Variants in PPP1R2 observed in about 807,000 individuals in gnomAD.
The protein encoded by PPP1R2 is protein phosphatase inhibitor 2.
In PPP1R2, 16 loss-of-function variants were observed where a neutral mutation model predicts 29.9. The ratio of observed to expected loss-of-function variants is 0.53; its 90% confidence interval spans 0.36 to 0.81. PPP1R2 has a LOEUF of 0.81. Among genes scored for constraint, PPP1R2 ranks in the 30% least tolerant of loss-of-function variants. The pLI is 0.00. For synonymous variants in PPP1R2, 76 were observed against 91.5 expected, an observed-to-expected ratio of 0.83 and a Z score of 0.96; for missense variants, 197 against 252.7, an observed-to-expected ratio of 0.78 and a Z score of 1.49.
chr3:195,543,314 C>A lies in PPP1R2; in HGVS notation c.-289G>T, dbSNP rs142926502. The A allele has an allele frequency of 5.4e-4, 139 of 255,602 alleles. No homozygotes were observed. In the East Asian group the frequency reaches 8.2e-3, roughly 15 times the overall value. The allele number at this position is 255,602 out of a possible 1,614,324, so 15.8% of individuals were successfully genotyped here. ...CTAGAGCTCCAGCGCAGGAGCGACG[C>A]GACGCCGAAGCCAAGCGGACCCGCC... is the stretch of plus-strand genomic sequence containing the variant. On this transcript the variant is annotated 5_prime_UTR_variant, in exon 1 of 6. Transcript: ENST00000618156.
intron 1 of PPP1R2, among the ~76,000 whole-genome samples, chr3:195,532,953 A>G (rs2108949968): frequency 2.0e-5 from 3 of 152,362 alleles, no homozygotes; most frequent in Admixed American, 2.0e-4. Flanking sequence ...CTGCAGTTGG[A>G]TCATAACTGC....
intron 2 of PPP1R2, chr3:195,528,717 T>TTC (rs1432800108): frequency 7.0e-6 from 1 of 142,144 alleles, no homozygotes; most frequent in Non-Finnish European, 1.5e-5. Flanking sequence ...TTTTTTTTTT[T>TTC]TTTTTTTTTT....
chr3:195,537,341 T>C (rs761181001), intron 1 of PPP1R2, among the ~76,000 whole-genome samples: 8 of 152,144 alleles, frequency 5.3e-5, no homozygotes, highest in East Asian at 3.8e-4. Context: ...TAAAGAAAAT[T>C]TGCTAGTGTA....
chr3:195,523,640 C>G, intron 4 of PPP1R2, 52 bp downstream of exon 4: 1 of 1,454,288 alleles, frequency 6.9e-7, no homozygotes, highest in Non-Finnish European at 9.6e-7. Context: ...ATGGATTTAT[C>G]TTAGCAAAAA....
chr3:195,522,159 T>C (rs1284207783), intron 4 of PPP1R2, among the ~76,000 whole-genome samples: 1 of 152,198 alleles, frequency 6.6e-6, no homozygotes, highest in Admixed American at 6.5e-5. Context: ...CATTTAGTAG[T>C]CACCAAAATA....
At chr3:195,538,643 A>AT (rs1304891555) in intron 1 of PPP1R2, among the ~76,000 whole-genome samples, 4 of 152,130 alleles carry the variant, frequency 2.6e-5, no homozygotes, top group African/African-American at 9.7e-5. Context: ...TTAAGGCATA[A>AT]TTTTTTCAAG....
At chr3:195,539,701 C>A (rs1050004730) in intron 1 of PPP1R2, among the ~76,000 whole-genome samples, 3 of 151,990 alleles carry the variant, frequency 2.0e-5, no homozygotes, top group Non-Finnish European at 2.9e-5. Context: ...CAAAAAAAGA[C>A]GTAAGCACTA....
chr3:195,524,296 C>T (rs1718879243), intron 3 of PPP1R2, among the ~76,000 whole-genome samples: 1 of 152,130 alleles, frequency 6.6e-6, no homozygotes, highest in African/African-American at 2.4e-5. Context: ...CTGAAACCAG[C>T]GGATCTCTTG....
intron 4 of PPP1R2, among the ~76,000 whole-genome samples, chr3:195,520,958 C>T (rs955884955): frequency 3.3e-5 from 5 of 152,026 alleles, no homozygotes; most frequent in Admixed American, 6.6e-5. Flanking sequence ...TGTAAGACAC[C>T]GCACCTGGCC....
chr3:195,518,503 C>T (rs551312911), intron 5 of PPP1R2, among the ~76,000 whole-genome samples: 2 of 151,586 alleles, frequency 1.3e-5, no homozygotes, highest in Non-Finnish European at 2.9e-5. Context: ...TACAAAAAAT[C>T]AGCCAGGCGT....
intron 4 of PPP1R2, among the ~76,000 whole-genome samples, chr3:195,522,413 T>G (rs1217788837): frequency 6.6e-6 from 1 of 152,230 alleles, no homozygotes; most frequent in African/African-American, 2.4e-5. Context: ...AATGAATTAA[T>G]GAAATTATAA....
chr3:195,539,471 A>C (rs543786884), intron 1 of PPP1R2, among the ~76,000 whole-genome samples: 1 of 152,262 alleles, frequency 6.6e-6, no homozygotes, highest in East Asian at 1.9e-4. Context: ...TAATCCCAGC[A>C]CTCTGGGAGG....
At chr3:195,517,169 T>C (rs1020945522) in intron 5 of PPP1R2, among the ~76,000 whole-genome samples, 5 of 152,168 alleles carry the variant, frequency 3.3e-5, no homozygotes, top group Non-Finnish European at 5.9e-5. Flanking sequence ...AGGTTTCAGA[T>C]TGAACATTTC....
intron 1 of PPP1R2, among the ~76,000 whole-genome samples, chr3:195,530,620 T>C (rs1176204248): frequency 6.6e-6 from 1 of 150,744 alleles, no homozygotes; most frequent in African/African-American, 2.4e-5. Flanking sequence ...CCACCTTCCC[T>C]GTTCATGCGC....
chr3:195,517,597 A>C (rs891199755), intron 5 of PPP1R2, among the ~76,000 whole-genome samples: 3 of 152,206 alleles, frequency 2.0e-5, no homozygotes, highest in African/African-American at 7.2e-5. Flanking sequence ...TTAAACAAAA[A>C]ATATATTTAT....
chr3:195,540,226 G>A (rs775002811), intron 1 of PPP1R2, among the ~76,000 whole-genome samples: 4 of 152,112 alleles, frequency 2.6e-5, no homozygotes, highest in African/African-American at 7.2e-5. Flanking sequence ...GTTCACAGCC[G>A]AGGTAGCATG....
chr3:195,533,861 AAAG>A (rs1450094217), intron 1 of PPP1R2, among the ~76,000 whole-genome samples: 6 of 152,352 alleles, frequency 3.9e-5, no homozygotes, highest in Non-Finnish European at 5.9e-5. Flanking sequence ...CTTAAAGCAA[AAAG>A]AAGGTGAAGA....
At chr3:195,528,867 C>CTT (rs755404825) in intron 2 of PPP1R2, 10 of 134,254 alleles carry the variant, frequency 7.4e-5, no homozygotes, top group South Asian at 2.4e-4. Context: ...AAGGTATTAT[C>CTT]TTTTTTTTTT....
Position 195,515,991 on chromosome 3 carries a change from TGAGA to T in PPP1R2, c.*901_*904del, listed in dbSNP as rs1239006441. 1 of 151,834 alleles carries T rather than the reference TGAGA, an allele frequency of 6.6e-6. No homozygotes were observed. Among genetic ancestry groups the T allele is most frequent in the African/African-American group, 2.4e-5 (1 of 41,334 alleles). The allele number at this position is 151,834 out of a possible 1,614,324, so 9.4% of individuals were successfully genotyped here. On this transcript the variant is annotated 3_prime_UTR_variant, in exon 6 of 6. Coordinates refer to ENST00000618156, the MANE Select transcript of PPP1R2 (RefSeq NM_006241.8). ...AACATAGCAGCAAATGACAGAAGAGTGAGAGAAAGAGCTCCTAATGTGGTGACAG... is the reference window on the plus strand; with the variant it reads ...AACATAGCAGCAAATGACAGAAGAGTGAAAGAGCTCCTAATGTGGTGACAG...
Sources: allele counts gnomAD v4.1 joint callset (sites outside exome capture counted in the v4.1 genomes callset), GRCh38; gene constraint gnomAD v4.1.1; transcripts MANE v1.5; gene names NCBI Gene and HGNC (gene_info 2026-07-23, HGNC 2026-07-21).